Variants in HHIPL1 observed in about 807,000 individuals in gnomAD.
The protein encoded by HHIPL1 is HHIP-like protein 1.
In HHIPL1, 43 loss-of-function variants were observed where a neutral mutation model predicts 61.8. The observed-to-expected ratio is 0.70, with a 90% CI of 0.55 to 0.90. HHIPL1 has a LOEUF of 0.90. Ranked by LOEUF, HHIPL1 falls within the 40% of genes least tolerant of loss-of-function variation. HHIPL1 has a pLI of 0.00. For missense variants in HHIPL1, 1,056 were observed against 1,157.7 expected, an observed-to-expected ratio of 0.91 and a Z score of 1.28; for synonymous variants, 482 against 515.8, an observed-to-expected ratio of 0.93 and a Z score of 0.89.
the HHIPL1 span, among the ~76,000 whole-genome samples, chr14:99,637,398 C>T: frequency 6.6e-6 from 1 of 151,724 alleles, no homozygotes; most frequent in Admixed American, 6.6e-5. Flanking sequence ...CCGGTCTCTA[C>T]TAAAACAAAA....
At position 99,657,042 on chromosome 14, in the gene HHIPL1, G is replaced by T; in HGVS notation, c.945G>T (p.Gly315=). ...AAGAACCAGCCTCAAACCACAACGGGGGCCAGCTGCTTTTCGGGGATGACG... is the reference window on the plus strand; with the variant it reads ...AAGAACCAGCCTCAAACCACAACGGTGGCCAGCTGCTTTTCGGGGATGACG... ...EVKEPASNHN[G]GQLLFGDDGY... is the part of the protein sequence containing the mutation. The change falls in exon 3 of 9, where the codon GGG becomes GGT. Residue 315 remains glycine, a synonymous_variant. Coordinates refer to ENST00000330710, the MANE Select transcript of HHIPL1 (RefSeq NM_001127258.3). 12 of 1,613,516 alleles carry T rather than the reference G, an allele frequency of 7.4e-6. No individual in the cohort carries two copies. The highest frequency in any genetic ancestry group is 1.0e-5 in the Non-Finnish European group (12 of 1,179,756).
Position 99,668,962 on chromosome 14 carries a change from A to T in HHIPL1, c.1730+659A>T, listed in dbSNP as rs2056294210. 1.3e-6 allele frequency: 2 copies of T among 1,594,476 alleles called. No homozygotes were observed. The highest frequency in any genetic ancestry group is 2.7e-5 in the African/African-American group (2 of 74,600). ...ACACGAAGTCATGGGCCTGGGGCCCAGGGCCAGGGTGGGGCCCAGGCCACT... is the reference window on the plus strand; with the variant it reads ...ACACGAAGTCATGGGCCTGGGGCCCTGGGCCAGGGTGGGGCCCAGGCCACT... On this transcript the variant is annotated intron_variant, in intron 7 of 8. Coordinates refer to ENST00000330710, the MANE Select transcript of HHIPL1 (RefSeq NM_001127258.3). This position sits in a 1 kb window ranked among gnomAD's most constrained non-coding sequence, Gnocchi z 4.7.
chr14:99,672,969 G>A (rs988526554), intron 8 of HHIPL1, among the ~76,000 whole-genome samples: 11 of 152,204 alleles, frequency 7.2e-5, no homozygotes, highest in African/African-American at 1.2e-4. Context: ...CCACGGACAC[G>A]TGCCCTGCCC....
the HHIPL1 span, among the ~76,000 whole-genome samples, chr14:99,619,385 C>T: frequency 3.3e-5 from 5 of 151,692 alleles, no homozygotes; most frequent in African/African-American, 4.9e-5. Context: ...TTGCTTGAAC[C>T]CGGGAGGCAG....
the HHIPL1 span, among the ~76,000 whole-genome samples, chr14:99,617,369 G>T: frequency 6.6e-6 from 1 of 152,194 alleles, no homozygotes; most frequent in African/African-American, 2.4e-5. Flanking sequence ...GAGGGTTTCA[G>T]AGAGCTGAAG....
chr14:99,647,013 TG>T lies in HHIPL1; in HGVS notation c.255+1554del, dbSNP rs2055852691. Among the ~76,000 whole-genome samples, 5 of 152,218 alleles carry T rather than the reference TG, an allele frequency of 3.3e-5. No homozygotes were observed. In the East Asian group the frequency reaches 9.7e-4, roughly 29 times the overall value. On this transcript the variant is annotated intron_variant, in intron 1 of 8. Transcript: ENST00000330710. ...TTGGCCCTCACTGGCTGCCCAGCCCTGGGAAGGGTCCAGGTGAGGCTTGGAG... is the reference window on the plus strand; with the variant it reads ...TTGGCCCTCACTGGCTGCCCAGCCCTGGAAGGGTCCAGGTGAGGCTTGGAG...
chr14:99,656,839 GGA>G lies in HHIPL1; in HGVS notation c.903-160_903-159del. Among the ~76,000 whole-genome samples, 2 of 2,970 alleles carry G rather than the reference GGA, an allele frequency of 6.7e-4. 1 individual carries two copies. Among genetic ancestry groups the G allele is most frequent in the Non-Finnish European group, 2.0e-3 (2 of 1,000 alleles). 1.9% of individuals were successfully genotyped at this position (2,970 alleles called of 152,430 possible). A position where few individuals can be genotyped will look rare whatever the true frequency, so the allele number is the denominator to read the frequency against. On this transcript the variant is annotated intron_variant, in intron 2 of 8. Transcript: ENST00000330710. ...AGAAAGAAAGAAAGAAAGAAAGAAAGGAAGGAAGGAAGGAAGGAAGGAAGGAA... is the reference window on the plus strand; with the variant it reads ...AGAAAGAAAGAAAGAAAGAAAGAAAGAGGAAGGAAGGAAGGAAGGAAGGAA...
chr14:99,651,126 G>A (rs1250457591), intron 1 of HHIPL1, among the ~76,000 whole-genome samples: 7 of 152,280 alleles, frequency 4.6e-5, no homozygotes, highest in African/African-American at 1.7e-4. Context: ...GCTCTCGCCT[G>A]TAGTCCCAGC....
At chr14:99,654,667 A>G (rs1318894418) in intron 2 of HHIPL1, among the ~76,000 whole-genome samples, 1 of 152,242 alleles carries the variant, frequency 6.6e-6, no homozygotes, top group Non-Finnish European at 1.5e-5. Flanking sequence ...CACCGAATGT[A>G]TAAAAAGGAG....
chr14:99,653,034 G>A (rs899527630), intron 2 of HHIPL1, among the ~76,000 whole-genome samples, 164 bp downstream of exon 2: 1 of 152,218 alleles, frequency 6.6e-6, no homozygotes, highest in Non-Finnish European at 1.5e-5. Flanking sequence ...CAGTTTTACA[G>A]AACAGACCTC....
intron 3 of HHIPL1, among the ~76,000 whole-genome samples, chr14:99,658,962 C>G (rs1227642762): frequency 6.6e-6 from 1 of 152,168 alleles, no homozygotes; most frequent in Non-Finnish European, 1.5e-5. Context: ...AGCGGGACCA[C>G]TCTACTATTA....
At chr14:99,636,933 G>A in the HHIPL1 span, among the ~76,000 whole-genome samples, 1 of 144,960 alleles carries the variant, frequency 6.9e-6, no homozygotes, top group African/African-American at 2.6e-5. Flanking sequence ...TTGCACCACT[G>A]TACTCCAGCC....
chr14:99,659,774 G>T lies in HHIPL1; in HGVS notation c.1375+18G>T. 1 of 1,376,480 alleles carries T rather than the reference G, an allele frequency of 7.3e-7. No individual in the cohort carries two copies. The highest frequency in any genetic ancestry group is 1.6e-5 in the South Asian group (1 of 61,376). 85.3% of individuals were successfully genotyped at this position (1,376,480 alleles called of 1,614,324 possible). A position where few individuals can be genotyped will look rare whatever the true frequency, so the allele number is the denominator to read the frequency against. On this transcript the variant is annotated intron_variant, in intron 4 of 8. Coordinates refer to ENST00000330710, the MANE Select transcript of HHIPL1 (RefSeq NM_001127258.3). ...CTCTCTCAGTGAGTGCCCGCGCCCC[G>T]GGGACCCCGGCCCCGAATCCGCCCC...
chr14:99,642,643 G>A (rs780429456), upstream of HHIPL1, among the ~76,000 whole-genome samples: 18 of 149,668 alleles, frequency 1.2e-4, no homozygotes, highest in Non-Finnish European at 2.2e-4. Flanking sequence ...CTCCTGCCTC[G>A]GCCTCCCAAG....
the HHIPL1 span, among the ~76,000 whole-genome samples, chr14:99,627,366 A>ATCCATCCATCCATCCG: frequency 3.3e-5 from 5 of 151,630 alleles, no homozygotes; most frequent in African/African-American, 1.2e-4. The surrounding 1 kb of genome is among the most constrained non-coding windows in gnomAD (Gnocchi z 4.4). Context: ...CCATCCATCC[A>ATCCATCCATCCATCCG]TCCGTCCATC....
chr14:99,652,898 G>C (rs768476137), intron 2 of HHIPL1, 28 bp downstream of exon 2: 30 of 1,599,046 alleles, frequency 1.9e-5, no homozygotes, highest in Non-Finnish European at 9.4e-6. Context: ...CCCGGGCCTG[G>C]GTGGGGGCAG....
the HHIPL1 span, among the ~76,000 whole-genome samples, chr14:99,630,023 G>A: frequency 3.3e-5 from 5 of 152,306 alleles, no homozygotes; most frequent in East Asian, 5.8e-4. Context: ...AATTCCCAGT[G>A]TAGAAAAACT....
chr14:99,609,288 C>G, the HHIPL1 span, among the ~76,000 whole-genome samples: 1 of 152,236 alleles, frequency 6.6e-6, no homozygotes, highest in Non-Finnish European at 1.5e-5. Context: ...CCCTCCCTGA[C>G]AGAGCTAGTG....
At chr14:99,669,064 T>C in intron 7 of HHIPL1, 4 of 1,450,814 alleles carry the variant, frequency 2.8e-6, no homozygotes, top group African/African-American at 1.4e-5. Flanking sequence ...CCAACCCACG[T>C]TGCCCTCCAG....
Sources: allele counts gnomAD v4.1 joint callset (sites outside exome capture counted in the v4.1 genomes callset), GRCh38; gene constraint gnomAD v4.1.1; non-coding constraint Gnocchi (gnomAD v3.1); transcripts MANE v1.5; gene names NCBI Gene and HGNC (gene_info 2026-07-23, HGNC 2026-07-21).